The following ARSL variants were observed in gnomAD, a reference collection of about 807,000 sequenced individuals.
ARSL encodes the protein arylsulfatase L.
A neutral mutation model predicts 31.1 loss-of-function variants in ARSL; 4 were observed. The observed-to-expected ratio is 0.13, with a 90% CI of 0.06 to 0.29. The LOEUF (loss-of-function observed/expected upper bound fraction) is 0.29, where lower values mean the gene tolerates loss of function less well. Among genes scored for constraint, ARSL ranks in the 10% least tolerant of loss-of-function variants. ARSL has a pLI of 1.00. For missense variants in ARSL, 312 were observed against 497.8 expected, an observed-to-expected ratio of 0.63 and a Z score of 3.55; for synonymous variants, 198 against 209.9, an observed-to-expected ratio of 0.94 and a Z score of 0.49.
chrX:2,943,163 C>T lies in ARSL; in HGVS notation c.1028G>A (p.Ser343Asn), dbSNP rs1284464777. The change falls in exon 8 of 11, where the codon AGC becomes AAC. Residue 343 changes from serine (S) to asparagine (N), a missense_variant. Coordinates refer to ENST00000381134, the MANE Select transcript of ARSL (RefSeq NM_000047.3). ...ILDTLDVEGL[S>N]NSTLIYFTSD... is the part of the protein sequence containing the mutation. ...CGTAAAATAAATGAGGGTGCTGTTG[C>T]TCAAACCCTCCACGTCCAAAGTGTC... is the stretch of plus-strand genomic sequence containing the variant. 2.5e-6 allele frequency: 3 copies of T among 1,211,080 alleles called. No homozygotes were observed. Among genetic ancestry groups the T allele is most frequent in the East Asian group, 3.0e-5 (1 of 33,830 alleles).
chrX:2,951,597 GGAA>G (rs2089460484), intron 5 of ARSL, among the ~76,000 whole-genome samples: 1 of 93,353 alleles, frequency 1.1e-5, no homozygotes, highest in Non-Finnish European at 2.1e-5. Flanking sequence ...GGGTAGCATG[GGAA>G]GACCCCATCT....
At position 2,939,088 on chromosome X, in the gene ARSL, G is replaced by C. The variant is rs114880237; in HGVS notation, c.1127-831C>G. Among the ~76,000 whole-genome samples, 1,054 of 112,147 alleles carry C rather than the reference G, an allele frequency of 9.4e-3. 16 individuals are homozygous for C. Among genetic ancestry groups the C allele is most frequent in the African/African-American group, 0.032 (1,001 of 30,887 alleles). On this transcript the variant is annotated intron_variant, in intron 8 of 10. Coordinates refer to ENST00000381134, the MANE Select transcript of ARSL (RefSeq NM_000047.3). The stretch of plus-strand genomic sequence containing the variant: ...ACCCTGATCCCCAGATTCTGTGAAT[G>C]GGACCTTATTTTAAAAAGGGGTCCT...
At chrX:2,944,357 G>C in intron 7 of ARSL, among the ~76,000 whole-genome samples, 1 of 108,200 alleles carries the variant, frequency 9.2e-6, no homozygotes, top group East Asian at 2.9e-4. Flanking sequence ...CGGAGGCTGA[G>C]GCAGGAGAAT....
At chrX:2,963,925 TAAAG>T (rs2089674048) in intron 1 of ARSL, among the ~76,000 whole-genome samples, 1 of 110,848 alleles carries the variant, frequency 9.0e-6, no homozygotes, top group African/African-American at 3.3e-5. Context: ...GTTAAATAAA[TAAAG>T]AGATGGTGAT....
At chrX:2,938,487 G>A (rs944074851) in intron 8 of ARSL, among the ~76,000 whole-genome samples, 7 of 111,754 alleles carry the variant, frequency 6.3e-5, no homozygotes, top group Non-Finnish European at 7.5e-5. Context: ...TTATTGGTTA[G>A]TGTGCATTGG....
rs200569564 is a variant in ARSL, at chrX:2,941,247, CTTTTTTTTT to C, written c.1126+1809_1126+1817del. On this transcript the variant is annotated intron_variant, in intron 8 of 10. Transcript: ENST00000381134. ...AAATAAGAACTTGGGTGTCCACAAT[CTTTTTTTTT>C]TTTTTTTTTTTTTTTTGAGATGGAG... Among the ~76,000 whole-genome samples, 59 of 80,561 alleles carry C rather than the reference CTTTTTTTTT, an allele frequency of 7.3e-4. 2 individuals are homozygous for C. The South Asian group carries it at 0.016, about 22-fold the overall frequency. 70.0% of individuals were successfully genotyped at this position (80,561 alleles called of 115,157 possible). A position where few individuals can be genotyped will look rare whatever the true frequency, so the allele number is the denominator to read the frequency against.
At position 2,961,509 on chromosome X, in the gene ARSL, T is replaced by C. The variant is rs1338472325; in HGVS notation, c.-20-1089A>G. ...CTATATATTGTGACTTACTTTCCAA[T>C]CTGACTCTGGCATAACATGAGACCA... On this transcript the variant is annotated intron_variant, in intron 1 of 10. Transcript: ENST00000381134. Among the ~76,000 whole-genome samples, 30 of 112,024 alleles carry C rather than the reference T, an allele frequency of 2.7e-4. No homozygotes were observed. The Admixed American group carries it at 2.9e-3, about 11-fold the overall frequency.
At chrX:2,945,011 G>C (rs770597334) in intron 7 of ARSL, among the ~76,000 whole-genome samples, 8 of 110,181 alleles carry the variant, frequency 7.3e-5, no homozygotes, top group East Asian at 5.7e-4. Flanking sequence ...AGAATAAGAA[G>C]AAGAAGAAGA....
At chrX:2,945,868 A>G in intron 7 of ARSL, 130 bp downstream of exon 7, 1 of 894,563 alleles carries the variant, frequency 1.1e-6, no homozygotes, top group Non-Finnish European at 1.6e-6. Context: ...AATATTTTGC[A>G]CTCTTAAAAT....
intron 1 of ARSL, among the ~76,000 whole-genome samples, chrX:2,963,730 A>G (rs1297407377): frequency 9.6e-6 from 1 of 103,645 alleles, no homozygotes; most frequent in Non-Finnish European, 2.0e-5. Flanking sequence ...TTTTAAGTAG[A>G]GGTGGGGTTT....
rs190023 is a variant in ARSL at position 2,955,804 on chromosome X, C to A, written c.186-267G>T. On this transcript the variant is annotated intron_variant, in intron 3 of 10. Transcript: ENST00000381134. ...CTTTGGAAAGCCACAGCGGGAGGAT[C>A]GTTTAGGGCCAGGAGTTCAAGACCA... is the stretch of plus-strand genomic sequence containing the variant. Among the ~76,000 whole-genome samples the A allele has an allele frequency of 0.33, 36,201 of 111,084 alleles. 5,121 individuals are homozygous for A. Among genetic ancestry groups the A allele is most frequent in the Non-Finnish European group, 0.45 (23,727 of 52,866 alleles).
At position 2,955,525 on chromosome X, in the gene ARSL, A is replaced by G. The variant is rs755595210; in HGVS notation, c.198T>C (p.Ile66=). ...TCACGCCGTCCTCTGCAAGGCGGTC[A>G]ATATTCGGAGTCCTATGGAGGGACA... ...YGNNTMRTPN[I]DRLAEDGVKL... is the part of the protein sequence containing the mutation. Residue 66 remains isoleucine (I), a synonymous_variant, in exon 4 of 11, where the codon ATT becomes ATC. Transcript: ENST00000381134. The G allele has an allele frequency of 4.1e-6, 5 of 1,211,266 alleles. No individual in the cohort carries two copies. The South Asian group carries it at 8.8e-5, about 21-fold the overall frequency.
chrX:2,958,608 G>T (rs987321170), intron 2 of ARSL, among the ~76,000 whole-genome samples, 173 bp from the exon 3 acceptor site: 1 of 112,235 alleles, frequency 8.9e-6, no homozygotes, highest in African/African-American at 3.2e-5. Flanking sequence ...AACTGATACC[G>T]TTGATGGCTT....
rs150018079 is a variant in ARSL at position 2,946,969 on chromosome X, A to G, written c.855-835T>C. ...GAGGCTGAGGCAGGAGCATTGCTTC[A>G]GCCTAGGAGTTCAAGACCAGCATGG... On this transcript the variant is annotated intron_variant, in intron 6 of 10. Transcript: ENST00000381134. Among the ~76,000 whole-genome samples, 957 of 111,452 alleles carry G rather than the reference A, an allele frequency of 8.6e-3. 14 individuals are homozygous for G. The highest frequency in any genetic ancestry group is 0.03 in the African/African-American group (920 of 30,725).
chrX:2,951,495 G>A (rs1318935823), intron 5 of ARSL, among the ~76,000 whole-genome samples: 3 of 107,684 alleles, frequency 2.8e-5, no homozygotes, highest in Non-Finnish European at 5.7e-5. Flanking sequence ...ATTATAGTTG[G>A]CCAGGCATGG....
At chrX:2,959,024 C>T (rs964783015) in intron 2 of ARSL, among the ~76,000 whole-genome samples, 1 of 111,957 alleles carries the variant, frequency 8.9e-6, no homozygotes, top group African/African-American at 3.2e-5. Context: ...GAAAGCCTGC[C>T]TTAGTCATGG....
chrX:2,965,561 A>T (rs942673186), upstream of ARSL, among the ~76,000 whole-genome samples: 123 of 110,947 alleles, frequency 1.1e-3, no homozygotes, highest in Middle Eastern at 4.7e-3. Flanking sequence ...AAGCAAAAAA[A>T]AAAGTAAAAA....
At chrX:2,967,864 A>C (rs920916368), upstream of ARSL, among the ~76,000 whole-genome samples, 4 of 110,830 alleles carry the variant, frequency 3.6e-5, no homozygotes, top group Non-Finnish European at 7.6e-5. Flanking sequence ...ACGTGCCTTC[A>C]GCATCTCTAA....
upstream of ARSL, among the ~76,000 whole-genome samples, chrX:2,967,695 T>C (rs2089709332): frequency 8.9e-6 from 1 of 112,674 alleles, no homozygotes; most frequent in Admixed American, 9.4e-5. Context: ...ACTGACAATA[T>C]AGCCTTTGAT....
Sources: allele counts gnomAD v4.1 joint callset (sites outside exome capture counted in the v4.1 genomes callset), GRCh38; gene constraint gnomAD v4.1.1; transcripts MANE v1.5; gene names NCBI Gene and HGNC (gene_info 2026-07-23, HGNC 2026-07-21).